Variants in TMPRSS15 observed in about 807,000 individuals in gnomAD.
TMPRSS15 encodes transmembrane serine protease 15.
A neutral mutation model predicts 125.3 loss-of-function variants in TMPRSS15; 128 were observed. The observed-to-expected ratio is 1.02, with a 90% CI of 0.89 to 1.18. TMPRSS15 has a LOEUF of 1.18. Among genes scored for constraint, TMPRSS15 ranks in the 50% most tolerant of loss-of-function variants. The pLI, the probability that TMPRSS15 is intolerant of heterozygous loss-of-function variation, is 0.00. For missense variants in TMPRSS15, 1,283 were observed against 1,212.7 expected (o/e 1.06, Z -0.86); for synonymous variants, 446 against 423.2 (o/e 1.05, Z -0.66).
chr21:18,315,334 C>T (rs2075151726), intron 16 of TMPRSS15, 78 bp from the exon 17 acceptor site: 3 of 1,222,742 alleles, frequency 2.5e-6, no homozygotes, highest in East Asian at 4.9e-5. Flanking sequence ...CCCATTTGCT[C>T]CCCTTTAAAC....
chr21:18,372,163 G>T, intron 6 of TMPRSS15, 30 bp downstream of exon 6: 2 of 1,577,078 alleles, frequency 1.3e-6, no homozygotes, highest in South Asian at 2.2e-5. Context: ...GGATAAAACA[G>T]AAGGGGAGAG....
At chr21:18,297,590 G>T (rs1601292975) in intron 19 of TMPRSS15, 144 bp downstream of exon 19, 1 of 662,750 alleles carries the variant, frequency 1.5e-6, no homozygotes, top group South Asian at 1.7e-5. Flanking sequence ...TACTGTTTGA[G>T]ATTACTTAAA....
upstream of TMPRSS15, among the ~76,000 whole-genome samples, chr21:18,405,622 C>T (rs886252564): frequency 6.6e-6 from 1 of 152,050 alleles, no homozygotes; most frequent in Non-Finnish European, 1.5e-5. Flanking sequence ...ATATGAAAAA[C>T]GTAGGGCATT....
intron 6 of TMPRSS15, among the ~76,000 whole-genome samples, chr21:18,367,918 C>A (rs1482935987): frequency 2.6e-5 from 4 of 152,026 alleles, no homozygotes; most frequent in Admixed American, 2.6e-4. Flanking sequence ...TATATATATA[C>A]ATCTATCACT....
At position 18,294,661 on chromosome 21, in the gene TMPRSS15, G is replaced by A. The variant is rs912121881; in HGVS notation, c.2262-9C>T. The A allele has an allele frequency of 6.2e-7, 1 of 1,605,932 alleles. No homozygotes were observed. Among genetic ancestry groups the A allele is most frequent in the East Asian group, 2.2e-5 (1 of 44,828 alleles). On this transcript the variant is annotated splice_polypyrimidine_tract_variant and intron_variant, in intron 19 of 24. Coordinates refer to ENST00000284885, the MANE Select transcript of TMPRSS15 (RefSeq NM_002772.3). Reference sequence around the variant, plus strand: ...CCTGTAAACACTGTTGACTGTAATAGAAGAACAATCATATTTTTAAAATTA... The same window carrying A: ...CCTGTAAACACTGTTGACTGTAATAAAAGAACAATCATATTTTTAAAATTA...
At position 18,297,800 on chromosome 21, in the gene TMPRSS15, G is replaced by T; in HGVS notation, c.2195C>A (p.Pro732His). The stretch of plus-strand genomic sequence containing the variant: ...TTTGACAAATGGTCCACCATCGGTA[G>T]GGAAGATTGGCTTTGATGAGTTTCC... ...GSGNSSKPIF[P>H]TDGGPFVKLN... The change falls in exon 19 of 25, where the codon CCT (proline) becomes CAT (histidine). Residue 732 changes from proline (P) to histidine (H), a missense_variant. Physicochemically the swap from Pro to His is moderately conservative, Grantham distance 77 (BLOSUM62 -2). Coordinates refer to ENST00000284885, the MANE Select transcript of TMPRSS15 (RefSeq NM_002772.3). 1 of 1,613,660 alleles carries T rather than the reference G, an allele frequency of 6.2e-7. No homozygotes were observed. The highest frequency in any genetic ancestry group is 1.1e-5 in the South Asian group (1 of 91,070).
chr21:18,335,939 C>CTT (rs5842685), intron 13 of TMPRSS15, among the ~76,000 whole-genome samples: 2 of 140,954 alleles, frequency 1.4e-5, no homozygotes, highest in African/African-American at 2.6e-5. Context: ...TGTTAAATTC[C>CTT]TTTTTTTTTT....
chr21:18,293,753 G>A (rs2074866375), intron 21 of TMPRSS15, among the ~76,000 whole-genome samples: 1 of 152,186 alleles, frequency 6.6e-6, no homozygotes, highest in East Asian at 1.9e-4. Context: ...CAGTTAATAG[G>A]TAGCAATCAA....
intron 5 of TMPRSS15, among the ~76,000 whole-genome samples, chr21:18,377,055 G>A (rs370231094): frequency 6.6e-6 from 1 of 152,108 alleles, no homozygotes; most frequent in South Asian, 2.1e-4. Flanking sequence ...TAATTGCCTC[G>A]TTCCCTTCTA....
At chr21:18,386,336 C>T (rs1387555146) in intron 3 of TMPRSS15, among the ~76,000 whole-genome samples, 1 of 151,960 alleles carries the variant, frequency 6.6e-6, no homozygotes, top group African/African-American at 2.4e-5. Flanking sequence ...AATTCCCATC[C>T]CCCCACACTC....
intron 23 of TMPRSS15, 151 bp from the exon 24 acceptor site, chr21:18,275,487 C>G (rs2074609169): frequency 2.1e-6 from 2 of 952,410 alleles, no homozygotes; most frequent in African/African-American, 3.3e-5. Flanking sequence ...ACCTTGCACA[C>G]TAAAGCACAT....
At chr21:18,337,751 C>T (rs1317751016) in intron 13 of TMPRSS15, among the ~76,000 whole-genome samples, 1 of 152,130 alleles carries the variant, frequency 6.6e-6, no homozygotes, top group African/African-American at 2.4e-5. Context: ...CAAAGAAAGG[C>T]TATTAGCCAG....
chr21:18,458,630 T>C (rs778939659), intron 1 of TMPRSS15, among the ~76,000 whole-genome samples: 56 of 152,164 alleles, frequency 3.7e-4, no homozygotes, highest in South Asian at 4.1e-4. Context: ...TCACTAACAA[T>C]AGAAAATATT....
intron 21 of TMPRSS15, among the ~76,000 whole-genome samples, chr21:18,292,399 C>G (rs2074849137): frequency 6.6e-6 from 1 of 152,182 alleles, no homozygotes; most frequent in Non-Finnish European, 1.5e-5. Flanking sequence ...CAAGAATCCT[C>G]TCTTGGCACC....
intron 15 of TMPRSS15, among the ~76,000 whole-genome samples, chr21:18,328,174 C>T (rs369817447): frequency 4.6e-5 from 7 of 152,146 alleles, no homozygotes; most frequent in Admixed American, 6.5e-5. Flanking sequence ...ACAAAATTTC[C>T]TCTATAATAG....
chr21:18,396,813 T>TCTAG (rs2076044301), intron 3 of TMPRSS15, among the ~76,000 whole-genome samples: 1 of 143,638 alleles, frequency 7.0e-6, no homozygotes, highest in African/African-American at 2.6e-5. Flanking sequence ...TGTCTGTCTA[T>TCTAG]CTATCTATCT....
rs548325190 is a variant in TMPRSS15, at chr21:18,447,181, C to G, written c.10+38618G>C. Among the ~76,000 whole-genome samples, 3 of 152,056 alleles carry G rather than the reference C, an allele frequency of 2.0e-5. No homozygotes were observed. In the South Asian group the frequency reaches 6.2e-4, roughly 32 times the overall value. ...TACAAATGGGCCAGGTGTAGTGGTT[C>G]ACGCCTGTAACCCCAGCACTTTGGG... On this transcript the variant is annotated intron_variant, in intron 1 of 7. Transcript: ENST00000422787.
In TMPRSS15 at chr21:18,341,594, C is replaced by G. The variant is rs765537960; in HGVS notation, c.1429-46G>C. The G allele has an allele frequency of 1.9e-6, 3 of 1,604,272 alleles. No individual in the cohort carries two copies. The Admixed American group carries it at 5.0e-5, about 27-fold the overall frequency. On this transcript the variant is annotated intron_variant, in intron 12 of 24. Coordinates refer to ENST00000284885, the MANE Select transcript of TMPRSS15 (RefSeq NM_002772.3). ...TGAAACGATTTGATTCCATTCTAAT[C>G]TTCTCTGACTTGATTCTTCTTGTGA... is the stretch of plus-strand genomic sequence containing the variant.
At chr21:18,321,603 G>A (rs1234609121) in intron 16 of TMPRSS15, among the ~76,000 whole-genome samples, 1 of 152,050 alleles carries the variant, frequency 6.6e-6, no homozygotes, top group African/African-American at 2.4e-5. Flanking sequence ...CGCCCGCCTT[G>A]GCCTCCCAAA....
Sources: gnomAD v4.1 joint callset for allele counts (sites outside exome capture counted in the v4.1 genomes callset) on GRCh38, gnomAD v4.1.1 for gene constraint, MANE v1.5 for transcripts, NCBI Gene and HGNC (gene_info 2026-07-23, HGNC 2026-07-21) for gene names.